Variants in FCHO2 observed in about 807,000 individuals in gnomAD.
FCHO2 encodes the protein F-BAR domain only protein 2.
Under a neutral mutation model 114.1 loss-of-function variants are expected in FCHO2, and 43 were observed. The ratio of observed to expected loss-of-function variants is 0.38; its 90% confidence interval spans 0.30 to 0.49. The LOEUF (loss-of-function observed/expected upper bound fraction) is 0.49. Ranked by LOEUF, FCHO2 falls within the 20% of genes least tolerant of loss-of-function variation. The pLI, the probability that FCHO2 is intolerant of heterozygous loss-of-function variation, is 0.97. For synonymous variants in FCHO2, 293 were observed against 315.2 expected, an observed-to-expected ratio of 0.93 and a Z score of 0.75; for missense variants, 807 against 950.4, an observed-to-expected ratio of 0.85 and a Z score of 1.98.
rs6872673 is a variant in FCHO2, at chr5:73,083,194, C to T, written c.2245+369C>T. 5.7e-3 allele frequency among the ~76,000 whole-genome samples: 859 copies of T among 152,024 alleles called. 13 individuals carry two copies. Among genetic ancestry groups the T allele is most frequent in the African/African-American group, 0.02 (818 of 41,482 alleles). ...CCACTGCGCCTGGCCATGGGTGCAC[C>T]GTTCCTGGAAGCACTGCAATACCTT... On this transcript the variant is annotated intron_variant, in intron 24 of 25. Coordinates refer to ENST00000430046, the MANE Select transcript of FCHO2 (RefSeq NM_138782.3).
At chr5:72,984,727 G>A (rs1753411545) in intron 2 of FCHO2, among the ~76,000 whole-genome samples, 1 of 152,012 alleles carries the variant, frequency 6.6e-6, no homozygotes, top group South Asian at 2.1e-4. Context: ...TGACCTCCTG[G>A]TCTCAAATGA....
chr5:73,005,175 T>A (rs1330045017), intron 5 of FCHO2, among the ~76,000 whole-genome samples: 1 of 152,184 alleles, frequency 6.6e-6, no homozygotes, highest in African/African-American at 2.4e-5. Context: ...GAGTACAAAG[T>A]TGCTTGTTTA....
intron 16 of FCHO2, among the ~76,000 whole-genome samples, chr5:73,058,101 C>T (rs538736134): frequency 3.3e-5 from 5 of 152,136 alleles, no homozygotes; most frequent in African/African-American, 1.2e-4. Flanking sequence ...GCACAGAACT[C>T]CTGGGCTCAA....
chr5:73,041,738 TGG>T (rs1369626782), intron 11 of FCHO2, among the ~76,000 whole-genome samples: 14 of 152,104 alleles, frequency 9.2e-5, no homozygotes, highest in Non-Finnish European at 1.9e-4. Context: ...ACAAGAACCA[TGG>T]TCAGTACTTT....
chr5:72,989,762 GTTATC>G (rs1364021407), intron 3 of FCHO2, among the ~76,000 whole-genome samples: 4 of 152,006 alleles, frequency 2.6e-5, no homozygotes, highest in Non-Finnish European at 5.9e-5. Context: ...GATTATAAAT[GTTATC>G]TTATGCACAT....
At chr5:73,050,302 T>G (rs867155231) in intron 11 of FCHO2, among the ~76,000 whole-genome samples, 1 of 137,920 alleles carries the variant, frequency 7.3e-6, no homozygotes, top group Non-Finnish European at 1.6e-5. Flanking sequence ...TGCTATTTAT[T>G]TATTTATTTA....
intron 5 of FCHO2, among the ~76,000 whole-genome samples, chr5:73,003,802 G>A (rs1360175086): frequency 6.6e-6 from 1 of 151,972 alleles, no homozygotes; most frequent in Non-Finnish European, 1.5e-5. Context: ...CCAGCACTTT[G>A]GGAGGCCTAG....
chr5:73,006,571 A>G lies in FCHO2; in HGVS notation c.600+22A>G, dbSNP rs371251137. 6.3e-5 allele frequency: 90 copies of G among 1,432,352 alleles called. No individual in the cohort carries two copies. The African/African-American group carries it at 1.0e-3, about 16-fold the overall frequency. 88.7% of individuals were successfully genotyped at this position (1,432,352 alleles called of 1,614,324 possible). On this transcript the variant is annotated intron_variant, in intron 6 of 25. Coordinates refer to ENST00000430046, the MANE Select transcript of FCHO2 (RefSeq NM_138782.3). ...TCAGGTTGGTATTTTAAGGCTTCAG[A>G]TTGAAAACAGGGCATTTATATTTGT...
rs200619706 is a variant in FCHO2, at chr5:72,983,481, A to G, written c.126-5946A>G. Among the ~76,000 whole-genome samples, 10 of 150,942 alleles carry G rather than the reference A, an allele frequency of 6.6e-5. No homozygotes were observed. In the East Asian group the frequency reaches 1.9e-3, roughly 29 times the overall value. ...TGGGCTCAATCAATTCTTCTGCCTCAGCCTACTGAATAGTTGGGACTATAC... is the reference window on the plus strand; with the variant it reads ...TGGGCTCAATCAATTCTTCTGCCTCGGCCTACTGAATAGTTGGGACTATAC... On this transcript the variant is annotated intron_variant, in intron 2 of 25. Transcript: ENST00000430046.
chr5:73,079,473 T>G (rs1419460763), intron 22 of FCHO2, among the ~76,000 whole-genome samples: 1 of 152,110 alleles, frequency 6.6e-6, no homozygotes, highest in East Asian at 1.9e-4. Context: ...ACGTGATGAA[T>G]TTTTCAAAAA....
chr5:73,043,155 C>T (rs1756886794), intron 11 of FCHO2, among the ~76,000 whole-genome samples: 1 of 151,938 alleles, frequency 6.6e-6, no homozygotes, highest in Non-Finnish European at 1.5e-5. Context: ...TGGTCTTGAC[C>T]TCCTGGCTTC....
intron 13 of FCHO2, among the ~76,000 whole-genome samples, chr5:73,053,728 G>A (rs1157402674): frequency 6.6e-6 from 1 of 150,624 alleles, no homozygotes; most frequent in African/African-American, 2.4e-5. Flanking sequence ...GAATATATAC[G>A]AAGTATGAGG....
At chr5:72,990,169 T>C (rs945683620) in intron 3 of FCHO2, among the ~76,000 whole-genome samples, 1 of 151,982 alleles carries the variant, frequency 6.6e-6, no homozygotes, top group Admixed American at 6.6e-5. Context: ...TAGACAGTGA[T>C]AGAAAGGCTT....
At chr5:72,989,869 T>C (rs963228262) in intron 3 of FCHO2, among the ~76,000 whole-genome samples, 1 of 152,208 alleles carries the variant, frequency 6.6e-6, no homozygotes, top group South Asian at 2.1e-4. Flanking sequence ...AGATAAACTT[T>C]ATTGAAATGA....
At chr5:73,014,422 G>A (rs923985883) in intron 6 of FCHO2, among the ~76,000 whole-genome samples, 7 of 151,312 alleles carry the variant, frequency 4.6e-5, no homozygotes, top group Non-Finnish European at 1.0e-4. Context: ...CCAAGTAGCT[G>A]GGATTACAGG....
In FCHO2 at chr5:73,078,228, G is replaced by A. The variant is rs1274175893; in HGVS notation, c.1896G>A (p.Met632Ile). Residue 632 changes from methionine to isoleucine, a missense_variant, in exon 22 of 26, where the codon ATG becomes ATA. Physicochemically the swap from Met to Ile is conservative, Grantham distance 10. Transcript: ENST00000430046. ...ACACAAAAGATTTTTGGATGAACATGCAAGCTGTTACAGTCTACCTCAAGA... is the reference window on the plus strand; with the variant it reads ...ACACAAAAGATTTTTGGATGAACATACAAGCTGTTACAGTCTACCTCAAGA... ...DSNTKDFWMN[M>I]QAVTVYLKKL... is the part of the protein sequence containing the mutation. 3 of 1,586,476 alleles carry A rather than the reference G, an allele frequency of 1.9e-6. No individual in the cohort carries two copies. Among genetic ancestry groups the A allele is most frequent in the Non-Finnish European group, 2.6e-6 (3 of 1,165,960 alleles).
chr5:72,982,296 A>C (rs1753256185), intron 2 of FCHO2, among the ~76,000 whole-genome samples: 1 of 152,102 alleles, frequency 6.6e-6, no homozygotes, highest in Non-Finnish European at 1.5e-5. Flanking sequence ...GAAATGCTGA[A>C]ATCACCTGCC....
At chr5:73,016,246 T>G (rs1755301833) in intron 7 of FCHO2, among the ~76,000 whole-genome samples, 1 of 151,908 alleles carries the variant, frequency 6.6e-6, no homozygotes, top group Admixed American at 6.6e-5. Context: ...CCCAGAAGTT[T>G]GAGACCAGCC....
chr5:72,966,078 C>T (rs1401432774), intron 1 of FCHO2, among the ~76,000 whole-genome samples: 5 of 152,164 alleles, frequency 3.3e-5, no homozygotes, highest in Admixed American at 3.3e-4. Context: ...ATCTTGGACT[C>T]ACCAAAAGTG....
Sources: allele counts gnomAD v4.1 joint callset (sites outside exome capture counted in the v4.1 genomes callset), GRCh38; gene constraint gnomAD v4.1.1; transcripts MANE v1.5; gene names NCBI Gene and HGNC (gene_info 2026-07-23, HGNC 2026-07-21).